Variants in UGT3A1 observed in about 807,000 individuals in gnomAD.
UGT3A1 encodes UDP glycosyltransferase family 3 member A1.
In UGT3A1, 40 loss-of-function variants were observed where a neutral mutation model predicts 37.6. That is an observed-to-expected ratio of 1.06 (90% confidence interval 0.83 to 1.38). UGT3A1 has a LOEUF of 1.38. UGT3A1 is among the 40% of genes most tolerant of loss of function. UGT3A1 has a pLI of 0.00. For missense variants in UGT3A1, 642 were observed against 634.2 expected (o/e 1.01, Z -0.13); for synonymous variants, 256 against 232.3 (o/e 1.10, Z -0.93).
intron 2 of UGT3A1, among the ~76,000 whole-genome samples, chr5:35,987,362 C>T (rs1740768085): frequency 6.6e-6 from 1 of 152,026 alleles, no homozygotes; most frequent in Non-Finnish European, 1.5e-5. Flanking sequence ...ACACTTGAAC[C>T]CCAACACTTG....
At chr5:35,972,968 G>A (rs1238062669) in intron 2 of UGT3A1, among the ~76,000 whole-genome samples, 1 of 151,818 alleles carries the variant, frequency 6.6e-6, no homozygotes, top group Non-Finnish European at 1.5e-5. Flanking sequence ...ACTGAATTAC[G>A]GTGCAATTTA....
At position 35,968,136 on chromosome 5, in the gene UGT3A1, A is replaced by G; in HGVS notation, c.197-3T>C. On this transcript the variant is annotated splice_polypyrimidine_tract_variant and splice_region_variant and intron_variant, in intron 2 of 6. Transcript: ENST00000274278. The stretch of plus-strand genomic sequence containing the variant: ...TGATTTTTCCTCCTCTTTAATATCT[A>G]AGAAAACACCAATTGGTTAAAAAGG... The G allele has an allele frequency of 1.3e-6, 2 of 1,574,484 alleles. No individual in the cohort carries two copies. Among genetic ancestry groups the G allele is most frequent in the South Asian group, 1.1e-5 (1 of 89,734 alleles).
intron 2 of UGT3A1, among the ~76,000 whole-genome samples, chr5:35,996,637 T>G (rs779142109): frequency 6.6e-6 from 1 of 152,194 alleles, no homozygotes; most frequent in Non-Finnish European, 1.5e-5. Flanking sequence ...CATATCTCTT[T>G]TTCATCAAAA....
At chr5:35,991,760 C>A, upstream of UGT3A1, 1 of 480,528 alleles carries the variant, frequency 2.1e-6, no homozygotes, top group Non-Finnish European at 2.7e-6. Flanking sequence ...GTCCCAAGCT[C>A]AAGATGTCCC....
chr5:35,967,124 T>C (rs1306449538), intron 3 of UGT3A1, among the ~76,000 whole-genome samples: 1 of 152,144 alleles, frequency 6.6e-6, no homozygotes, highest in Non-Finnish European at 1.5e-5. Flanking sequence ...GAACCTGTCT[T>C]CAAAGAAATC....
intron 2 of UGT3A1, among the ~76,000 whole-genome samples, chr5:35,968,417 G>T (rs1431798359): frequency 6.6e-6 from 1 of 152,102 alleles, no homozygotes; most frequent in East Asian, 1.9e-4. Flanking sequence ...TTTTATAGAT[G>T]AGACAACAGA....
intron 4 of UGT3A1, 92 bp from the exon 5 acceptor site, chr5:35,957,511 C>T (rs914482364): frequency 2.0e-6 from 2 of 1,021,868 alleles, no homozygotes; most frequent in African/African-American, 1.6e-5. Context: ...TAAACATACC[C>T]TCCCATCAGT....
intron 2 of UGT3A1, among the ~76,000 whole-genome samples, chr5:35,985,625 T>C (rs1740700113): frequency 6.6e-6 from 1 of 152,144 alleles, no homozygotes; most frequent in South Asian, 2.1e-4. Flanking sequence ...TTACAATAAA[T>C]GGTGCTGGAG....
At chr5:35,992,645 C>G (rs1580969110), upstream of UGT3A1, among the ~76,000 whole-genome samples, 1 of 151,828 alleles carries the variant, frequency 6.6e-6, no homozygotes, top group Non-Finnish European at 1.5e-5. Flanking sequence ...GAAATGCTGC[C>G]AAGAGAAAAC....
chr5:35,977,738 T>C (rs1262473045), intron 2 of UGT3A1, among the ~76,000 whole-genome samples: 19 of 152,254 alleles, frequency 1.2e-4, no homozygotes, highest in Admixed American at 1.2e-3. Context: ...AGACATTATG[T>C]TATAGCAATG....
At chr5:35,976,668 C>T (rs115174649) in intron 2 of UGT3A1, among the ~76,000 whole-genome samples, 3,295 of 151,732 alleles carry the variant, frequency 0.022, 58 homozygotes, top group Non-Finnish European at 0.028. Flanking sequence ...AGTGAGATAC[C>T]GACTCTACAA....
At chr5:35,970,852 C>G (rs1286015026) in intron 2 of UGT3A1, among the ~76,000 whole-genome samples, 1 of 152,082 alleles carries the variant, frequency 6.6e-6, no homozygotes, top group Admixed American at 6.5e-5. Context: ...ATTTTTAAAC[C>G]TAGCAAGAAT....
upstream of UGT3A1, among the ~76,000 whole-genome samples, chr5:35,992,592 AGG>A (rs1281931605): frequency 6.0e-5 from 1 of 16,614 alleles, no homozygotes; most frequent in African/African-American, 9.0e-5. Context: ...GGACAGACAG[AGG>A]CTAAACACAA....
Position 35,965,567 on chromosome 5 carries a change from A to C in UGT3A1, c.662T>G (p.Phe221Cys). 1.2e-6 allele frequency: 2 copies of C among 1,614,228 alleles called. No individual in the cohort carries two copies. The highest frequency in any genetic ancestry group is 2.2e-5 in the South Asian group (2 of 91,082). Residue 221 changes from phenylalanine to cysteine, a missense_variant, in exon 4 of 7, where the codon TTT becomes TGT. Transcript: ENST00000274278. ...GAAATGCTCCTTGATGGTGTTGTCA[A>C]ATGTAGACTGCATGTCCCATTGGCT... ...SRSQWDMQST[F>C]DNTIKEHFPE...
At chr5:35,989,758 C>T (rs1462885042) in intron 1 of UGT3A1, among the ~76,000 whole-genome samples, 1 of 152,112 alleles carries the variant, frequency 6.6e-6, no homozygotes, top group Non-Finnish European at 1.5e-5. Flanking sequence ...TGTGTACTTC[C>T]AAGAAGTTAA....
At position 35,954,215 on chromosome 5, in the gene UGT3A1, A is replaced by G. The variant is rs1326047579; in HGVS notation, c.1559T>C (p.Val520Ala). 6.2e-7 allele frequency: 1 copy of G among 1,613,880 alleles called. No individual in the cohort carries two copies. Among genetic ancestry groups the G allele is most frequent in the South Asian group, 1.1e-5 (1 of 91,054 alleles). The change falls in exon 7 of 7, where the codon GTG becomes GCG. Residue 520 changes from valine (V) to alanine (A), a missense_variant. Val to Ala is a moderately conservative substitution (Grantham distance 64). Transcript: ENST00000274278. ...VARWLRGARK[V>A]KKT ...CTACACCTAGCCTCATGTCTTCTTC[A>G]CCTTCCTGGCCCCACGCAGCCACCT...
upstream of UGT3A1, among the ~76,000 whole-genome samples, chr5:35,994,457 T>C (rs1741047435): frequency 6.6e-6 from 1 of 151,206 alleles, no homozygotes. Context: ...GAAAAACAAA[T>C]AGGAGCACCT....
chr5:35,960,490 C>T (rs997248211), intron 4 of UGT3A1, among the ~76,000 whole-genome samples: 15 of 152,270 alleles, frequency 9.9e-5, no homozygotes, highest in Admixed American at 4.6e-4. Flanking sequence ...GCCTCCGCTG[C>T]TGCTCAAACT....
upstream of UGT3A1, among the ~76,000 whole-genome samples, chr5:35,993,469 A>G (rs1190174255): frequency 6.6e-6 from 1 of 151,964 alleles, no homozygotes; most frequent in Non-Finnish European, 1.5e-5. Context: ...TCTCAAAAAA[A>G]AAAAAATGCA....
Sources: gnomAD v4.1 joint callset for allele counts (sites outside exome capture counted in the v4.1 genomes callset) on GRCh38, gnomAD v4.1.1 for gene constraint, MANE v1.5 for transcripts, NCBI Gene and HGNC (gene_info 2026-07-23, HGNC 2026-07-21) for gene names.